Variants in GAN observed in about 807,000 individuals in gnomAD.
The protein encoded by GAN is epididymis secretory sperm binding protein.
GAN carries 48 observed loss-of-function variants against 71.3 expected under a neutral mutation model. The observed-to-expected ratio is 0.67, with a 90% CI of 0.53 to 0.86. The LOEUF is 0.86. GAN is among the 40% of genes least tolerant of loss of function. The pLI, the probability that GAN is intolerant of heterozygous loss-of-function variation, is 0.00. For missense variants in GAN, 928 were observed against 770.1 expected (o/e 1.21, Z -2.43); for synonymous variants, 386 against 276.8 (o/e 1.39, Z -3.92).
chr16:81,364,502 A>T (rs2150691324), intron 7 of GAN, among the ~76,000 whole-genome samples: 1 of 152,116 alleles, frequency 6.6e-6, no homozygotes, highest in East Asian at 1.9e-4. Context: ...CTTAGGCTGA[A>T]GCGATCCCCC....
chr16:81,363,099 C>T (rs1474265997), intron 6 of GAN, among the ~76,000 whole-genome samples: 2 of 152,218 alleles, frequency 1.3e-5, no homozygotes, highest in East Asian at 3.8e-4. Flanking sequence ...TATTCATTGA[C>T]AAACGGACAT....
chr16:81,362,125 T>C (rs796713478), intron 5 of GAN, among the ~76,000 whole-genome samples: 1 of 152,326 alleles, frequency 6.6e-6, no homozygotes, highest in African/African-American at 2.4e-5. Flanking sequence ...TGGGTATTCC[T>C]GGGGTCTAGA....
Position 81,386,266 on chromosome 16 carries a change from A to G in GAN, c.*8670A>G, listed in dbSNP as rs1369284661. ...TGAATTTTCCTTTTTTTTCATTGAA[A>G]TAGCAAAGGTAGTAATCTGTATTGG... On this transcript the variant is annotated 3_prime_UTR_variant, in exon 11 of 11. Coordinates refer to ENST00000648994, the MANE Select transcript of GAN (RefSeq NM_022041.4). The G allele has an allele frequency of 2.6e-5, 4 of 152,212 alleles. No homozygotes were observed. Among genetic ancestry groups the G allele is most frequent in the African/African-American group, 9.7e-5 (4 of 41,450 alleles). The allele number at this position is 152,212 out of a possible 1,614,324, so 9.4% of individuals were successfully genotyped here.
At chr16:81,360,563 A>G (rs532897075) in intron 5 of GAN, among the ~76,000 whole-genome samples, 42 of 148,004 alleles carry the variant, frequency 2.8e-4, no homozygotes, top group African/African-American at 1.0e-3. Context: ...CTGCTATTAC[A>G]TTTATCCATT....
intron 2 of GAN, among the ~76,000 whole-genome samples, chr16:81,353,377 GT>G (rs1301889728): frequency 1.3e-5 from 2 of 151,900 alleles, no homozygotes; most frequent in East Asian, 1.9e-4. Context: ...GCAGTTGAGT[GT>G]TTTTTTCACG....
chr16:81,377,930 C>G lies in GAN; in HGVS notation c.*334C>G. The G allele has an allele frequency of 2.8e-6, 1 of 354,532 alleles. No individual in the cohort carries two copies. Among genetic ancestry groups the G allele is most frequent in the African/African-American group, 2.1e-5 (1 of 48,204 alleles). 22.0% of individuals were successfully genotyped at this position (354,532 alleles called of 1,614,324 possible). On this transcript the variant is annotated 3_prime_UTR_variant, in exon 11 of 11. Coordinates refer to ENST00000648994, the MANE Select transcript of GAN (RefSeq NM_022041.4). The stretch of plus-strand genomic sequence containing the variant: ...GTTAAAATACTAAGGTGCATTTTCC[C>G]TGAAGGGAACTCATGTCTGACTGCT...
At chr16:81,333,926 C>G (rs1909669349) in intron 1 of GAN, among the ~76,000 whole-genome samples, 2 of 152,148 alleles carry the variant, frequency 1.3e-5, no homozygotes, top group African/African-American at 4.8e-5. Context: ...TGCTGTCTTC[C>G]CTGCTTCATG....
chr16:81,353,002 A>G (rs966680159), intron 2 of GAN, among the ~76,000 whole-genome samples: 1 of 152,224 alleles, frequency 6.6e-6, no homozygotes, highest in African/African-American at 2.4e-5. Context: ...ATTTAAAACG[A>G]TAGTTGGGGC....
chr16:81,352,422 G>C (rs972030209), intron 2 of GAN, among the ~76,000 whole-genome samples: 1 of 152,150 alleles, frequency 6.6e-6, no homozygotes, highest in African/African-American at 2.4e-5. Flanking sequence ...TCTTCCGTGT[G>C]AATCAGGGCT....
In GAN at chr16:81,354,541, T is replaced by G; in HGVS notation, c.419T>G (p.Phe140Cys). Reference sequence around the variant, plus strand: ...GAGAACTGTATTGGTATCCGTGACTTTGCACTACATTACTGCCTCCATCAC... The same window carrying G: ...GAGAACTGTATTGGTATCCGTGACTGTGCACTACATTACTGCCTCCATCAC... Reference protein sequence around the residue: ...AAENCIGIRDFALHYCLHHVH... With the variant: ...AAENCIGIRDCALHYCLHHVH... The change falls in exon 3 of 11, where the codon TTT becomes TGT. Residue 140 changes from phenylalanine to cysteine, a missense_variant. By Grantham distance (205) the Phe-to-Cys change is radical. Transcript: ENST00000648994. 4.3e-6 allele frequency: 7 copies of G among 1,614,128 alleles called. No individual in the cohort carries two copies. Among genetic ancestry groups the G allele is most frequent in the Non-Finnish European group, 5.9e-6 (7 of 1,179,970 alleles).
At chr16:81,339,086 T>C (rs1017572834) in intron 1 of GAN, among the ~76,000 whole-genome samples, 4 of 152,220 alleles carry the variant, frequency 2.6e-5, no homozygotes, top group Non-Finnish European at 1.5e-5. Flanking sequence ...CTGGGATTAA[T>C]TGGAAATACA....
intron 9 of GAN, among the ~76,000 whole-genome samples, chr16:81,368,529 C>T (rs1910934858): frequency 6.6e-6 from 1 of 152,168 alleles, no homozygotes; most frequent in Admixed American, 6.6e-5. Context: ...ATCACTTGAG[C>T]CTGGGAAGTG....
rs1400261900 is a variant in GAN, at chr16:81,382,079, A to G, written c.*4483A>G. ...TTGACTGCTTTTTATATGGGTGTCA[A>G]AATCTTTCCAGGACATACCCCTTTG... is the stretch of plus-strand genomic sequence containing the variant. On this transcript the variant is annotated 3_prime_UTR_variant, in exon 11 of 11. Coordinates refer to ENST00000648994, the MANE Select transcript of GAN (RefSeq NM_022041.4). 1 of 152,202 alleles carries G rather than the reference A, an allele frequency of 6.6e-6. No homozygotes were observed. The highest frequency in any genetic ancestry group is 1.5e-5 in the Non-Finnish European group (1 of 68,062). The allele number at this position is 152,202 out of a possible 1,614,324, so 9.4% of individuals were successfully genotyped here. A position where few individuals can be genotyped will look rare whatever the true frequency, so the allele number is the denominator to read the frequency against.
chr16:81,326,272 C>A (rs141096650), intron 1 of GAN, among the ~76,000 whole-genome samples: 1 of 151,728 alleles, frequency 6.6e-6, no homozygotes, highest in East Asian at 1.9e-4. Flanking sequence ...AATCCCAGCA[C>A]TTTGGGAGGC....
At chr16:81,347,033 T>C (rs1910140424) in intron 1 of GAN, among the ~76,000 whole-genome samples, 1 of 152,176 alleles carries the variant, frequency 6.6e-6, no homozygotes, top group African/African-American at 2.4e-5. Context: ...GAAATACAAA[T>C]AGTCATGACA....
At chr16:81,326,292 C>A (rs1027641894) in intron 1 of GAN, among the ~76,000 whole-genome samples, 1 of 151,214 alleles carries the variant, frequency 6.6e-6, no homozygotes, top group Non-Finnish European at 1.5e-5. Flanking sequence ...CTGAAGCGGG[C>A]AGATCACCTG....
At chr16:81,340,047 A>C (rs1366761554) in intron 1 of GAN, among the ~76,000 whole-genome samples, 1 of 152,110 alleles carries the variant, frequency 6.6e-6, no homozygotes, top group Admixed American at 6.6e-5. Context: ...CCTTCCTCTT[A>C]GCCATTGTGT....
chr16:81,369,418 C>G (rs1910964491), intron 9 of GAN, among the ~76,000 whole-genome samples: 1 of 152,140 alleles, frequency 6.6e-6, no homozygotes, highest in African/African-American at 2.4e-5. Flanking sequence ...CTTAATTCAC[C>G]TAGAAAAAGT....
chr16:81,334,713 C>G (rs1909697058), intron 1 of GAN, among the ~76,000 whole-genome samples: 2 of 152,180 alleles, frequency 1.3e-5, no homozygotes, highest in Non-Finnish European at 1.5e-5. Context: ...CATTTGAGGA[C>G]AAACCAGTGG....
Sources: gnomAD v4.1 joint callset for allele counts (sites outside exome capture counted in the v4.1 genomes callset) on GRCh38, gnomAD v4.1.1 for gene constraint, MANE v1.5 for transcripts, NCBI Gene and HGNC (gene_info 2026-07-23, HGNC 2026-07-21) for gene names.